Variants in DDX1 observed in about 807,000 individuals in gnomAD.
DDX1 encodes the protein ATP-dependent RNA helicase DDX1.
A neutral mutation model predicts 108.7 loss-of-function variants in DDX1; 28 were observed. That is an observed-to-expected ratio of 0.26 (90% CI 0.19 to 0.35). DDX1 has a LOEUF of 0.35. Among genes scored for constraint, DDX1 ranks in the 10% least tolerant of loss-of-function variants. DDX1 has a pLI of 1.00. For synonymous variants in DDX1, 295 were observed against 288.9 expected, an observed-to-expected ratio of 1.02 and a Z score of -0.21; for missense variants, 710 against 884.5, an observed-to-expected ratio of 0.80 and a Z score of 2.50.
chr2:15,617,858 G>T (rs557245941), intron 15 of DDX1, among the ~76,000 whole-genome samples: 4 of 152,204 alleles, frequency 2.6e-5, no homozygotes, highest in African/African-American at 7.2e-5. Flanking sequence ...AGCACTGAGG[G>T]TTTTTAATTT....
intron 7 of DDX1, 60 bp from the exon 8 acceptor site, chr2:15,603,132 T>C: frequency 8.6e-7 from 1 of 1,164,348 alleles, no homozygotes; most frequent in East Asian, 2.3e-5. Context: ...GAAGATGACT[T>C]CATGGTAAAT....
At chr2:15,627,457 T>TA (rs1666119779) in intron 20 of DDX1, 1 of 212,802 alleles carries the variant, frequency 4.7e-6, no homozygotes, top group Non-Finnish European at 9.5e-6. Context: ...CTATGTGCCT[T>TA]AAAAACAGTC....
At chr2:15,607,349 TTTTGG>T in intron 13 of DDX1, 36 bp downstream of exon 13, 3 of 1,602,144 alleles carry the variant, frequency 1.9e-6, no homozygotes, top group Non-Finnish European at 2.6e-6. Flanking sequence ...GCTTATTGTC[TTTTGG>T]TTTGAAGTTT....
chr2:15,603,821 C>A lies in DDX1; in HGVS notation c.483C>A (p.Asp161Glu). 6.2e-7 allele frequency: 1 copy of A among 1,606,558 alleles called. No individual in the cohort carries two copies. Among genetic ancestry groups the A allele is most frequent in the Non-Finnish European group, 8.5e-7 (1 of 1,175,754 alleles). Residue 161 changes from aspartate to glutamate, a missense_variant, in exon 9 of 26, where the codon GAC becomes GAA. Physicochemically the swap from Asp to Glu is conservative, Grantham distance 45. Transcript: ENST00000233084. ...TMQASLDLGT[D>E]KFGFGFGGTG... Reference sequence around the variant, plus strand: ...AATATTTTTTAAATCTAGGTACTGACAAGTTTGGATTTGGCTTTGGTGGAA... The same window carrying A: ...AATATTTTTTAAATCTAGGTACTGAAAAGTTTGGATTTGGCTTTGGTGGAA...
intron 13 of DDX1, among the ~76,000 whole-genome samples, chr2:15,612,344 G>A (rs1665787805): frequency 6.6e-6 from 1 of 151,584 alleles, no homozygotes; most frequent in African/African-American, 2.4e-5. Flanking sequence ...GCGGGGCAGA[G>A]GCGCCCCCCA....
At chr2:15,609,717 T>C (rs959658702) in intron 13 of DDX1, among the ~76,000 whole-genome samples, 6 of 151,386 alleles carry the variant, frequency 4.0e-5, no homozygotes, top group African/African-American at 1.5e-4. Context: ...TATATCTGAT[T>C]ATAAATGTGG....
In DDX1 at chr2:15,617,292, A is replaced by G. The variant is rs1413066700; in HGVS notation, c.1066A>G (p.Thr356Ala). ...GGGAAGACTAGATGACTTGGTGTCA[A>G]CTGGAAAGCTGAACTTATCTCAAGT... is the stretch of plus-strand genomic sequence containing the variant. The part of the protein sequence containing the change: ...TPGRLDDLVS[T>A]GKLNLSQVRF... The change falls in exon 15 of 26, where the codon ACT (threonine) becomes GCT (alanine). Residue 356 changes from threonine (T) to alanine (A), a missense_variant. This residue lies in a region of DDX1 where 661 missense variants were observed against 810.2 expected (regional missense o/e 0.82). Coordinates refer to ENST00000233084, the MANE Select transcript of DDX1 (RefSeq NM_004939.3). 3 of 1,596,562 alleles carry G rather than the reference A, an allele frequency of 1.9e-6. No individual in the cohort carries two copies. Among genetic ancestry groups the G allele is most frequent in the Non-Finnish European group, 2.6e-6 (3 of 1,169,704 alleles).
chr2:15,595,738 A>G (rs1182562280), intron 3 of DDX1, among the ~76,000 whole-genome samples, 185 bp downstream of exon 3: 5 of 152,218 alleles, frequency 3.3e-5, no homozygotes, highest in Admixed American at 6.5e-5. Flanking sequence ...CACTAGGGCA[A>G]TAAGACATGT....
intron 20 of DDX1, chr2:15,627,428 T>C: frequency 3.8e-6 from 1 of 264,450 alleles, no homozygotes; most frequent in Non-Finnish European, 7.3e-6. Context: ...AGAAGTATCA[T>C]TGGATAGTTA....
intron 23 of DDX1, 109 bp from the exon 24 acceptor site, chr2:15,629,493 T>C (rs1160466789): frequency 1.4e-6 from 1 of 723,014 alleles, no homozygotes; most frequent in Non-Finnish European, 2.3e-6. Flanking sequence ...CTATAATCTA[T>C]TTTTCTAGTG....
intron 14 of DDX1, among the ~76,000 whole-genome samples, chr2:15,615,340 C>T (rs1275705260): frequency 6.6e-6 from 1 of 152,164 alleles, no homozygotes; most frequent in Non-Finnish European, 1.5e-5. Flanking sequence ...GGCCTTGTGT[C>T]TGTCTTCATG....
chr2:15,597,357 C>T lies in DDX1; in HGVS notation c.163-18C>T, dbSNP rs374369604. On this transcript the variant is annotated intron_variant, in intron 4 of 25. Transcript: ENST00000233084. Reference sequence around the variant, plus strand: ...AATATGTGAATACTAATATAGATACCTTTTGTTTCTTTGATAGGCTTTTAG... The same window carrying T: ...AATATGTGAATACTAATATAGATACTTTTTGTTTCTTTGATAGGCTTTTAG... 2.0e-6 allele frequency: 3 copies of T among 1,497,748 alleles called. No homozygotes were observed. Among genetic ancestry groups the T allele is most frequent in the African/African-American group, 2.8e-5 (2 of 71,046 alleles). The allele number at this position is 1,497,748 out of a possible 1,614,324, so 92.8% of individuals were successfully genotyped here. A position where few individuals can be genotyped will look rare whatever the true frequency, so the allele number is the denominator to read the frequency against.
In DDX1 at chr2:15,602,635, T is replaced by C. The variant is rs780435782; in HGVS notation, c.391+4T>C. On this transcript the variant is annotated splice_donor_region_variant and intron_variant, in intron 7 of 25. Transcript: ENST00000233084. ...GCTACTAAAGGATTAATGAAAGGTA[T>C]TTGAACAGCATCTGCACTTGTATAA... 4 of 1,591,656 alleles carry C rather than the reference T, an allele frequency of 2.5e-6. No individual in the cohort carries two copies. The highest frequency in any genetic ancestry group is 3.4e-6 in the Non-Finnish European group (4 of 1,159,986).
rs533067535 is a variant in DDX1, at chr2:15,623,365, A to G, written c.1448-71A>G. Reference sequence around the variant, plus strand: ...AAAATTAAGCAGTCAGTCTGTGACTATAATTATGTGTATTCATGACAAGTT... The same window carrying G: ...AAAATTAAGCAGTCAGTCTGTGACTGTAATTATGTGTATTCATGACAAGTT... On this transcript the variant is annotated intron_variant, in intron 18 of 25. Transcript: ENST00000233084. 2.2e-4 allele frequency: 330 copies of G among 1,472,340 alleles called. 2 individuals are homozygous for G. The South Asian group carries it at 3.7e-3, about 16-fold the overall frequency. The allele number at this position is 1,472,340 out of a possible 1,614,324, so 91.2% of individuals were successfully genotyped here.
chr2:15,612,132 G>A (rs1165050540), intron 13 of DDX1, among the ~76,000 whole-genome samples: 7 of 145,864 alleles, frequency 4.8e-5, no homozygotes, highest in South Asian at 4.5e-4. Flanking sequence ...CTGGCCGGGC[G>A]GGGGGCTGAC....
In DDX1 at chr2:15,596,776, T is replaced by C; in HGVS notation, c.162+13T>C. ...TGGCAAAACTGGTGTAAGTAATAAA[T>C]TATATTTACTTTCTCTCTAAAAGTT... is the stretch of plus-strand genomic sequence containing the variant. On this transcript the variant is annotated intron_variant, in intron 4 of 25. Coordinates refer to ENST00000233084, the MANE Select transcript of DDX1 (RefSeq NM_004939.3). 1 of 1,593,888 alleles carries C rather than the reference T, an allele frequency of 6.3e-7. No individual in the cohort carries two copies. The highest frequency in any genetic ancestry group is 8.6e-7 in the Non-Finnish European group (1 of 1,164,198).
Position 15,621,100 on chromosome 2 carries a change from T to A in DDX1, c.1431T>A (p.Pro477=), listed in dbSNP as rs775771945. Residue 477 remains proline, a synonymous_variant, in exon 18 of 26, where the codon CCT becomes CCA. Transcript: ENST00000233084. ...DDVHAKDNTR[P]GANSPEMWSE... The stretch of plus-strand genomic sequence containing the variant: ...TACATGCAAAAGATAACACAAGACC[T>A]GGTGCTAATAGTCCAGGTGAGTTAA... 1.2e-6 allele frequency: 2 copies of A among 1,610,444 alleles called. No individual in the cohort carries two copies.
intron 10 of DDX1, among the ~76,000 whole-genome samples, chr2:15,605,561 G>A (rs941647775): frequency 1.3e-5 from 2 of 152,138 alleles, no homozygotes; most frequent in Non-Finnish European, 2.9e-5. Context: ...CAGTTCAATA[G>A]AGAATGAGAT....
chr2:15,627,242 C>T, intron 20 of DDX1, 97 bp downstream of exon 20: 1 of 660,690 alleles, frequency 1.5e-6, no homozygotes, highest in Non-Finnish European at 2.5e-6. Context: ...CAATTATTGT[C>T]CTAGAAATTT....
Sources: allele counts gnomAD v4.1 joint callset (sites outside exome capture counted in the v4.1 genomes callset), GRCh38; gene constraint gnomAD v4.1.1; regional missense constraint gnomAD v4.1.1; transcripts MANE v1.5; gene names NCBI Gene and HGNC (gene_info 2026-07-23, HGNC 2026-07-21).